IL3RA: variants seen among roughly 807,000 people sequenced by gnomAD.
The protein encoded by IL3RA is interleukin-3 receptor subunit alpha.
A neutral mutation model predicts 52.3 loss-of-function variants in IL3RA; 73 were observed. The ratio of observed to expected loss-of-function variants is 1.40; its 90% CI spans 1.16 to 1.70. IL3RA has a LOEUF of 1.70. IL3RA is among the 40% of genes most tolerant of loss of function. The probability of loss-of-function intolerance (pLI) is 0.00; values close to 1 mark genes in which losing one functional copy is unlikely to be tolerated. For missense variants in IL3RA, 664 were observed against 504.4 expected, an observed-to-expected ratio of 1.32 and a Z score of -3.03; for synonymous variants, 260 against 194.0, an observed-to-expected ratio of 1.34 and a Z score of -2.83.
chrX:1,343,052 G>T (rs1418322198), intron 2 of IL3RA, among the ~76,000 whole-genome samples: 2 of 151,844 alleles, frequency 1.3e-5, no homozygotes, highest in Admixed American at 1.3e-4. Context: ...TCCAGCCTGG[G>T]CGACAGAGTG....
intron 6 of IL3RA, among the ~76,000 whole-genome samples, chrX:1,355,882 G>T (rs746699263): frequency 5.5e-4 from 83 of 152,154 alleles, no homozygotes; most frequent in African/African-American, 1.9e-3. Flanking sequence ...AGAGATGGAA[G>T]GGGCAGGGAC....
At chrX:1,346,851 G>T (rs1229108241) in intron 3 of IL3RA, among the ~76,000 whole-genome samples, 1 of 151,094 alleles carries the variant, frequency 6.6e-6, no homozygotes, top group South Asian at 2.1e-4. Flanking sequence ...AGCTATGTTC[G>T]TTCAATACAA....
intron 8 of IL3RA, among the ~76,000 whole-genome samples, chrX:1,362,341 ATCTCTGTCTC>A (rs2087498962): frequency 2.0e-5 from 2 of 99,042 alleles, no homozygotes; most frequent in Non-Finnish European, 4.3e-5. Flanking sequence ...GTCTGTTTCT[ATCTCTGTCTC>A]TCTCTGTCCA....
chrX:1,351,756 G>A, intron 4 of IL3RA, among the ~76,000 whole-genome samples: 1 of 151,214 alleles, frequency 6.6e-6, no homozygotes, highest in East Asian at 1.9e-4. Context: ...AGCCTCCCGA[G>A]TAGCTGGGAT....
chrX:1,362,063 T>C (rs1275843525), intron 8 of IL3RA, among the ~76,000 whole-genome samples: 1 of 151,404 alleles, frequency 6.6e-6, no homozygotes, highest in Non-Finnish European at 1.5e-5. Flanking sequence ...TGTCTCTCTC[T>C]CTCTGTCTCC....
intron 9 of IL3RA, among the ~76,000 whole-genome samples, chrX:1,366,386 C>T (rs1415079701): frequency 7.5e-5 from 1 of 13,258 alleles, no homozygotes; most frequent in Admixed American, 1.0e-3. Flanking sequence ...GAGCCGGGTG[C>T]GCGGGGTGAG....
chrX:1,348,648 TTCTTTCTTTC>T (rs2085898741), intron 4 of IL3RA, 103 bp downstream of exon 4: 3 of 292,884 alleles, frequency 1.0e-5, no homozygotes, highest in East Asian at 1.4e-4. Context: ...CTTTTTCTCT[TTCTTTCTTTC>T]TTTCTTTCTT....
intron 10 of IL3RA, among the ~76,000 whole-genome samples, chrX:1,379,422 C>G (rs1409698047): frequency 5.9e-5 from 9 of 152,160 alleles, no homozygotes; most frequent in Non-Finnish European, 1.0e-4. Context: ...TCCCAAAGTG[C>G]TGGGATTACA....
At chrX:1,380,877 A>G (rs5989802) in intron 10 of IL3RA, 146 bp from the exon 11 acceptor site, 419,301 of 710,986 alleles carry the variant, frequency 0.59, 126,519 homozygotes, top group African/African-American at 0.78. Context: ...TCAGGGCCTC[A>G]GGGGCCGGGA....
At chrX:1,346,249 G>C (rs1207090639) in intron 3 of IL3RA, among the ~76,000 whole-genome samples, 1 of 151,816 alleles carries the variant, frequency 6.6e-6, no homozygotes, top group East Asian at 1.9e-4. Context: ...GACTAGTCTG[G>C]GCAACATGGT....
At chrX:1,367,638 C>A (rs867314022) in intron 9 of IL3RA, among the ~76,000 whole-genome samples, 1 of 49,054 alleles carries the variant, frequency 2.0e-5, no homozygotes, top group Non-Finnish European at 3.7e-5. Context: ...CGGGGTGCGC[C>A]GGGTGAGCCG....
chrX:1,357,977 C>T (rs1301733103), intron 7 of IL3RA, among the ~76,000 whole-genome samples: 2 of 151,322 alleles, frequency 1.3e-5, no homozygotes, highest in Admixed American at 6.6e-5. Flanking sequence ...TGGTGGCGGG[C>T]GCCTGTAGTC....
chrX:1,342,265 A>T (rs1354933697), intron 2 of IL3RA, among the ~76,000 whole-genome samples: 2 of 151,852 alleles, frequency 1.3e-5, no homozygotes, highest in Non-Finnish European at 2.9e-5. Flanking sequence ...TCCCGGATTC[A>T]AGCGATTCTT....
chrX:1,373,601 A>G (rs1280492941), intron 9 of IL3RA, among the ~76,000 whole-genome samples: 4 of 25,670 alleles, frequency 1.6e-4, no homozygotes, highest in Non-Finnish European at 1.8e-4. Context: ...CGACCCTGTG[A>G]GGGCACAGGG....
intron 2 of IL3RA, among the ~76,000 whole-genome samples, chrX:1,342,648 C>G (rs2085537766): frequency 6.7e-6 from 1 of 149,138 alleles, no homozygotes; most frequent in Non-Finnish European, 1.5e-5. Flanking sequence ...GCAACCTCTA[C>G]CTGCTGGGTT....
rs770473203 is a variant in IL3RA at position 1,348,345 on chromosome X, C to T, written c.184-86C>T. ...TCCAGCGTGGGCGACGAGAGCGAAA[C>T]TCTGCCTCAAAAAAAATCTGAACAT... is the stretch of plus-strand genomic sequence containing the variant. On this transcript the variant is annotated intron_variant, in intron 3 of 11. Transcript: ENST00000331035. 75 of 1,073,756 alleles carry T rather than the reference C, an allele frequency of 7.0e-5. No individual in the cohort carries two copies. In the African/African-American group the frequency reaches 1.1e-3, roughly 16 times the overall value. 66.5% of individuals were successfully genotyped at this position (1,073,756 alleles called of 1,614,324 possible).
Position 1,382,507 on chromosome X carries a change from T to C in IL3RA, c.*42T>C, listed in dbSNP as rs758475222. On this transcript the variant is annotated 3_prime_UTR_variant, in exon 12 of 12. Coordinates refer to ENST00000331035, the MANE Select transcript of IL3RA (RefSeq NM_002183.4). ...TTGTGGGGGTCTGCCTCAATCTCCC[T>C]GGCCGGGCCAGGCGCCTGCACAGAC... is the stretch of plus-strand genomic sequence containing the variant. The C allele has an allele frequency of 2.1e-5, 33 of 1,589,958 alleles. No homozygotes were observed. Among genetic ancestry groups the C allele is most frequent in the Non-Finnish European group, 2.8e-5 (33 of 1,158,142 alleles).
chrX:1,348,197 T>G (rs1257764990), intron 3 of IL3RA, among the ~76,000 whole-genome samples: 1 of 124,540 alleles, frequency 8.0e-6, no homozygotes, highest in Non-Finnish European at 1.7e-5. Context: ...GAAAAATACT[T>G]TAAAAATTAG....
chrX:1,353,121 ACC>A, intron 6 of IL3RA, among the ~76,000 whole-genome samples: 1 of 120,364 alleles, frequency 8.3e-6, no homozygotes, highest in African/African-American at 3.2e-5. Flanking sequence ...GTCATGGGAC[ACC>A]CCCCATCATG....
Sources: allele counts gnomAD v4.1 joint callset (sites outside exome capture counted in the v4.1 genomes callset), GRCh38; gene constraint gnomAD v4.1.1; transcripts MANE v1.5; gene names NCBI Gene and HGNC (gene_info 2026-07-23, HGNC 2026-07-21).